Variants in PTPRN2 observed in about 807,000 individuals in gnomAD.
The protein encoded by PTPRN2 is protein tyrosine phosphatase receptor type N2.
PTPRN2 carries 74 observed loss-of-function variants against 118.8 expected under a neutral mutation model. The observed-to-expected ratio is 0.62, with a 90% CI of 0.52 to 0.76. PTPRN2 has a LOEUF of 0.76. PTPRN2 is among the 30% of genes least tolerant of loss of function. The probability of loss-of-function intolerance (pLI) is 0.00; values close to 1 mark genes in which losing one functional copy is unlikely to be tolerated. For missense variants in PTPRN2, 1,481 were observed against 1,394.4 expected, an observed-to-expected ratio of 1.06 and a Z score of -0.99; for synonymous variants, 641 against 608.0, an observed-to-expected ratio of 1.05 and a Z score of -0.80.
At chr7:157,551,564 A>C (rs1250721135) in intron 21 of PTPRN2, among the ~76,000 whole-genome samples, 2 of 81,432 alleles carry the variant, frequency 2.5e-5, no homozygotes, top group Non-Finnish European at 4.8e-5. Context: ...CACCCCACGC[A>C]CCCCACAGCC....
chr7:158,351,945 C>T (rs1807993075), intron 2 of PTPRN2, among the ~76,000 whole-genome samples: 2 of 115,408 alleles, frequency 1.7e-5, no homozygotes, highest in African/African-American at 3.3e-5. Context: ...CCCTCCTGAC[C>T]GCTCCCCTCC....
intron 15 of PTPRN2, among the ~76,000 whole-genome samples, chr7:157,612,843 T>TGGGGTGAA (rs1291795369): frequency 6.6e-6 from 1 of 152,094 alleles, no homozygotes; most frequent in Non-Finnish European, 1.5e-5. Flanking sequence ...ACAGAGGCGC[T>TGGGGTGAA]GGGGTGAAGC....
At chr7:157,675,975 AG>A (rs1373511316) in intron 13 of PTPRN2, among the ~76,000 whole-genome samples, 3 of 152,114 alleles carry the variant, frequency 2.0e-5, no homozygotes, top group Non-Finnish European at 2.9e-5. Context: ...GAAGAAACGG[AG>A]GGGGGTGAAA....
chr7:158,469,065 A>T (rs1819640243), intron 2 of PTPRN2, among the ~76,000 whole-genome samples: 1 of 152,136 alleles, frequency 6.6e-6, no homozygotes, highest in Non-Finnish European at 1.5e-5. Context: ...ACCCACACAC[A>T]CTCCTGGTGG....
intron 12 of PTPRN2, among the ~76,000 whole-genome samples, chr7:157,695,691 GT>G (rs1797732272): frequency 6.6e-6 from 1 of 152,228 alleles, no homozygotes; most frequent in Non-Finnish European, 1.5e-5. Flanking sequence ...GAGTTGAAAT[GT>G]ATTAACCACC....
In PTPRN2 at chr7:158,085,839, A is replaced by G. The variant is rs374396203; in HGVS notation, c.1644-4462T>C. ...ACACCCACGATGCCCATCCACACCC[A>G]TGACGCCCATCCACACCCACGACGC... On this transcript the variant is annotated intron_variant, in intron 10 of 22. Coordinates refer to ENST00000389418, the MANE Select transcript of PTPRN2 (RefSeq NM_002847.5). Among the ~76,000 whole-genome samples, 838 of 88,864 alleles carry G rather than the reference A, an allele frequency of 9.4e-3. 12 individuals carry two copies. Among genetic ancestry groups the G allele is most frequent in the African/African-American group, 0.034 (789 of 23,340 alleles). The allele number at this position is 88,864 out of a possible 152,430, so 58.3% of individuals were successfully genotyped here.
chr7:158,521,629 G>A (rs1445009965), intron 1 of PTPRN2, among the ~76,000 whole-genome samples: 2 of 118,648 alleles, frequency 1.7e-5, no homozygotes, highest in African/African-American at 7.5e-5. Context: ...TCAGGAGGGA[G>A]GTCCACGTCA....
At chr7:158,311,754 T>C (rs1801756533) in intron 3 of PTPRN2, among the ~76,000 whole-genome samples, 1 of 152,256 alleles carries the variant, frequency 6.6e-6, no homozygotes, top group Non-Finnish European at 1.5e-5. Flanking sequence ...TCAAGCGCAG[T>C]TACCAAGACA....
intron 2 of PTPRN2, among the ~76,000 whole-genome samples, chr7:158,440,766 GTTA>G: frequency 6.8e-6 from 1 of 147,776 alleles, no homozygotes; most frequent in Non-Finnish European, 1.5e-5. Flanking sequence ...TGGTGGTGAT[GTTA>G]GTGATAGTGG....
At chr7:157,936,489 G>T (rs1799706072) in intron 11 of PTPRN2, among the ~76,000 whole-genome samples, 1 of 152,146 alleles carries the variant, frequency 6.6e-6, no homozygotes, top group Non-Finnish European at 1.5e-5. Context: ...CTGTCTCCTG[G>T]ATTCCCACCA....
chr7:157,835,319 G>A (rs1451519473), intron 12 of PTPRN2, among the ~76,000 whole-genome samples: 1 of 152,168 alleles, frequency 6.6e-6, no homozygotes, highest in Non-Finnish European at 1.5e-5. Flanking sequence ...CCGTTACCAA[G>A]TTATGAAGGC....
At chr7:158,160,526 T>C (rs1354551993) in intron 6 of PTPRN2, among the ~76,000 whole-genome samples, 1 of 152,206 alleles carries the variant, frequency 6.6e-6, no homozygotes, top group East Asian at 1.9e-4. Context: ...ACTTCCTCAA[T>C]AAATGAAGAA....
At chr7:158,258,665 T>C (rs1418752123) in intron 3 of PTPRN2, among the ~76,000 whole-genome samples, 1 of 152,206 alleles carries the variant, frequency 6.6e-6, no homozygotes, top group Non-Finnish European at 1.5e-5. Flanking sequence ...CCTGAAGCCT[T>C]TCCTGGAAGG....
intron 11 of PTPRN2, among the ~76,000 whole-genome samples, chr7:158,007,144 C>A (rs1320745018): frequency 1.3e-5 from 2 of 152,198 alleles, no homozygotes; most frequent in African/African-American, 4.8e-5. Flanking sequence ...GCCAGGCCCA[C>A]CCCACGACCT....
intron 12 of PTPRN2, among the ~76,000 whole-genome samples, chr7:157,772,221 A>G: frequency 6.6e-6 from 1 of 151,962 alleles, no homozygotes; most frequent in Non-Finnish European, 1.5e-5. Flanking sequence ...ACACATAGAC[A>G]CAGACACACA....
At chr7:158,131,044 GTACA>G (rs56345536) in intron 9 of PTPRN2, among the ~76,000 whole-genome samples, 48,928 of 146,670 alleles carry the variant, frequency 0.33, 8,084 homozygotes, top group East Asian at 0.45. Context: ...ATACACACAC[GTACA>G]TACAGACACC....
chr7:158,280,404 G>A (rs12533146), intron 3 of PTPRN2, among the ~76,000 whole-genome samples: 20,711 of 152,238 alleles, frequency 0.14, 1,572 homozygotes, highest in East Asian at 0.26. Flanking sequence ...GAGGGACAGC[G>A]ACGAGGGCAG....
At chr7:158,241,856 G>A (rs1292225420) in intron 3 of PTPRN2, among the ~76,000 whole-genome samples, 2 of 152,122 alleles carry the variant, frequency 1.3e-5, no homozygotes, top group Non-Finnish European at 2.9e-5. Flanking sequence ...CAGATGGCTC[G>A]AATGTTCCCA....
intron 11 of PTPRN2, among the ~76,000 whole-genome samples, chr7:158,070,634 G>GTA (rs1363048602): frequency 3.8e-5 from 5 of 133,062 alleles, no homozygotes; most frequent in African/African-American, 9.7e-5. Context: ...GCCCCTGGTG[G>GTA]TGGAGGTGCC....
Sources: gnomAD v4.1 joint callset for allele counts (sites outside exome capture counted in the v4.1 genomes callset) on GRCh38, gnomAD v4.1.1 for gene constraint, MANE v1.5 for transcripts, NCBI Gene and HGNC (gene_info 2026-07-23, HGNC 2026-07-21) for gene names.